FAM13B: variants seen among roughly 807,000 people sequenced by gnomAD.
FAM13B encodes family with sequence similarity 13 member B.
FAM13B carries 60 observed loss-of-function variants against 117.3 expected under a neutral mutation model. The ratio of observed to expected loss-of-function variants is 0.51; its 90% confidence interval spans 0.42 to 0.63. The LOEUF is 0.63. FAM13B is among the 30% of genes least tolerant of loss of function. The pLI is 0.00. For synonymous variants in FAM13B, 332 were observed against 356.1 expected (o/e 0.93, Z 0.76); for missense variants, 972 against 1,091.9 (o/e 0.89, Z 1.55).
In FAM13B at chr5:137,985,273, T is replaced by G; in HGVS notation, c.1163A>C (p.Asn388Thr). 3 of 1,613,302 alleles carry G rather than the reference T, an allele frequency of 1.9e-6. No individual in the cohort carries two copies. Among genetic ancestry groups the G allele is most frequent in the Non-Finnish European group, 2.5e-6 (3 of 1,179,780 alleles). The change falls in exon 10 of 24, where the codon AAT becomes ACT. Residue 388 changes from asparagine to threonine, a missense_variant. Asn to Thr is a moderately conservative substitution (Grantham distance 65). Transcript: ENST00000689681. ...ATTCCTTACCTGGGTATTTTCTTCA[T>G]TCTCAAATACACAATCTTGCTGCAT... The part of the protein sequence containing the change: ...EAMQQDCVFE[N>T]EENTQSVGIL...
upstream of FAM13B, among the ~76,000 whole-genome samples, chr5:138,034,790 G>C (rs1790928536): frequency 6.6e-6 from 1 of 151,958 alleles, no homozygotes; most frequent in African/African-American, 2.4e-5. Flanking sequence ...TCCATGCTTG[G>C]AGAACAGGAG....
chr5:138,033,796 C>T (rs1293942119), upstream of FAM13B: 2 of 152,230 alleles, frequency 1.3e-5, no homozygotes, highest in African/African-American at 4.8e-5. Flanking sequence ...TTCAGCCAAT[C>T]TCTTCTTTGT....
rs34183994 is a variant in FAM13B, at chr5:137,959,714, A to G, written c.1343T>C (p.Val448Ala). 2.1e-4 allele frequency: 341 copies of G among 1,613,918 alleles called. 2 individuals carry two copies. In the African/African-American group the frequency reaches 3.7e-3, roughly 18 times the overall value. Residue 448 changes from valine (V) to alanine (A), a missense_variant, in exon 13 of 24, where the codon GTA becomes GCA. By Grantham distance (64) the Val-to-Ala change is moderately conservative (BLOSUM62 0). Coordinates refer to ENST00000689681, the MANE Select transcript of FAM13B (RefSeq NM_001385994.1). ...AACACCAACACTCTGACCTCCTGGT[A>G]CTTCTGATTCAGTGTTGGCATTCAA... ...CDLNANTESE[V>A]PGGQSVGVQG...
chr5:137,961,371 C>T (rs959834830), intron 11 of FAM13B, among the ~76,000 whole-genome samples: 5 of 152,000 alleles, frequency 3.3e-5, no homozygotes, highest in Non-Finnish European at 5.9e-5. Flanking sequence ...CTAAATGGGT[C>T]CTTATTGTTC....
At chr5:138,005,894 T>A (rs1425919780) in intron 7 of FAM13B, among the ~76,000 whole-genome samples, 4 of 152,194 alleles carry the variant, frequency 2.6e-5, no homozygotes, top group Admixed American at 1.3e-4. Flanking sequence ...AAATTATTAT[T>A]TCCTCTTCTT....
Position 138,018,786 on chromosome 5 carries a change from G to C in FAM13B, c.157+169C>G, listed in dbSNP as rs559699273. 2.0e-5 allele frequency among the ~76,000 whole-genome samples: 3 copies of C among 151,904 alleles called. No homozygotes were observed. In the East Asian group the frequency reaches 5.8e-4, roughly 29 times the overall value. On this transcript the variant is annotated intron_variant, in intron 3 of 23. Coordinates refer to ENST00000689681, the MANE Select transcript of FAM13B (RefSeq NM_001385994.1). ...TAGGCTGGGCAACTGTCATTTCTAAGTATATGAATTTAAGTAAAAATCACA... is the reference window on the plus strand; with the variant it reads ...TAGGCTGGGCAACTGTCATTTCTAACTATATGAATTTAAGTAAAAATCACA...
In FAM13B at chr5:137,949,190, T is replaced by G; in HGVS notation, c.1931-6A>C. Reference sequence around the variant, plus strand: ...AGAATTTTTGTGTTTTGCATCTACATGTCAGAAATAAGGACAGATCAGTAA... The same window carrying G: ...AGAATTTTTGTGTTTTGCATCTACAGGTCAGAAATAAGGACAGATCAGTAA... On this transcript the variant is annotated splice_polypyrimidine_tract_variant and splice_region_variant and intron_variant, in intron 17 of 23. Transcript: ENST00000689681. The G allele has an allele frequency of 6.2e-7, 1 of 1,609,786 alleles. No individual in the cohort carries two copies. Among genetic ancestry groups the G allele is most frequent in the Non-Finnish European group, 8.5e-7 (1 of 1,176,198 alleles).
chr5:137,980,362 T>A (rs1050785397), intron 10 of FAM13B, among the ~76,000 whole-genome samples: 1 of 151,982 alleles, frequency 6.6e-6, no homozygotes, highest in Non-Finnish European at 1.5e-5. Context: ...GAACCCATCA[T>A]TCATAAAGGT....
chr5:137,970,946 C>G (rs6596412), intron 10 of FAM13B, among the ~76,000 whole-genome samples: 46,991 of 151,120 alleles, frequency 0.31, 7,386 homozygotes, highest in South Asian at 0.37. Context: ...TACAGGAGCA[C>G]CCAGATTCAT....
chr5:137,969,115 A>C (rs1171892428), intron 10 of FAM13B, among the ~76,000 whole-genome samples: 2 of 152,242 alleles, frequency 1.3e-5, no homozygotes, highest in Admixed American at 1.3e-4. Context: ...ACCACAGCTC[A>C]AGGAGGCCTG....
chr5:137,967,539 A>C (rs1770430617), intron 10 of FAM13B, among the ~76,000 whole-genome samples: 1 of 152,076 alleles, frequency 6.6e-6, no homozygotes, highest in African/African-American at 2.4e-5. Flanking sequence ...AAAATGTACA[A>C]ACCAAAAAGG....
chr5:137,996,708 C>T (rs1193612755), intron 7 of FAM13B, among the ~76,000 whole-genome samples: 1 of 152,140 alleles, frequency 6.6e-6, no homozygotes, highest in Non-Finnish European at 1.5e-5. Flanking sequence ...TCTCCTGCCT[C>T]ACCCTCCCGA....
intron 1 of FAM13B, among the ~76,000 whole-genome samples, chr5:138,031,609 C>A (rs1790032625): frequency 6.6e-6 from 1 of 151,462 alleles, no homozygotes; most frequent in Non-Finnish European, 1.5e-5. Context: ...CGCTTGAATC[C>A]GGGAGGAGGA....
intron 1 of FAM13B, among the ~76,000 whole-genome samples, chr5:138,051,707 A>T (rs1791805352): frequency 6.6e-6 from 1 of 152,190 alleles, no homozygotes; most frequent in Admixed American, 6.5e-5. Flanking sequence ...TTTTAAGTAA[A>T]TTATTTCTTA....
chr5:137,955,822 G>C (rs1380081320), intron 14 of FAM13B, among the ~76,000 whole-genome samples: 1 of 151,972 alleles, frequency 6.6e-6, no homozygotes, highest in Non-Finnish European at 1.5e-5. Flanking sequence ...AGTTGAGATG[G>C]GGTTTCACCA....
intron 7 of FAM13B, among the ~76,000 whole-genome samples, chr5:137,995,576 G>A (rs1026359534): frequency 1.3e-5 from 2 of 152,046 alleles, no homozygotes; most frequent in African/African-American, 4.8e-5. Flanking sequence ...AAAAACTATG[G>A]TTTTGAAAAA....
intron 10 of FAM13B, among the ~76,000 whole-genome samples, chr5:137,981,449 A>G (rs1028969157): frequency 6.6e-6 from 1 of 150,832 alleles, no homozygotes; most frequent in African/African-American, 2.4e-5. Flanking sequence ...TGTCTCTAAA[A>G]ATAAAAATTA....
chr5:138,026,520 G>C (rs1046404737), intron 1 of FAM13B, among the ~76,000 whole-genome samples: 1 of 150,426 alleles, frequency 6.6e-6, no homozygotes, highest in Non-Finnish European at 1.5e-5. Flanking sequence ...CCAGCTACTC[G>C]GGAGGCTGAG....
intron 10 of FAM13B, among the ~76,000 whole-genome samples, chr5:137,984,248 A>T (rs1274465429): frequency 2.1e-4 from 32 of 152,240 alleles, no homozygotes; most frequent in Non-Finnish European, 4.7e-4. Flanking sequence ...AGGATAATAC[A>T]GAGAAGTTAC....
Sources: gnomAD v4.1 joint callset for allele counts (sites outside exome capture counted in the v4.1 genomes callset) on GRCh38, gnomAD v4.1.1 for gene constraint, MANE v1.5 for transcripts, NCBI Gene and HGNC (gene_info 2026-07-23, HGNC 2026-07-21) for gene names.